Variants in HAS2 observed in about 807,000 individuals in gnomAD.
The protein encoded by HAS2 is HA synthase 2.
Under a neutral mutation model 51.6 loss-of-function variants are expected in HAS2, and 16 were observed. That is an observed-to-expected ratio of 0.31 (90% confidence interval 0.21 to 0.47). HAS2 has a LOEUF of 0.47. Among genes scored for constraint, HAS2 ranks in the 20% least tolerant of loss-of-function variants. The pLI is 1.00. For missense variants in HAS2, 361 were observed against 662.6 expected (o/e 0.54, Z 5.00); for synonymous variants, 228 against 235.5 (o/e 0.97, Z 0.29).
Position 121,627,230 on chromosome 8 carries a change from A to G in HAS2, c.627+1484T>C, listed in dbSNP as rs537698998. Among the ~76,000 whole-genome samples, 144 of 152,332 alleles carry G rather than the reference A, an allele frequency of 9.5e-4. 1 individual carries two copies. The Middle Eastern group carries it at 0.01, about 11-fold the overall frequency. On this transcript the variant is annotated intron_variant, in intron 2 of 3. Transcript: ENST00000303924. ...CAGAACTTCATTTTTCATATCCTCTATAAGTTCTCAGTCATCCTTTCCCTT... is the reference window on the plus strand; with the variant it reads ...CAGAACTTCATTTTTCATATCCTCTGTAAGTTCTCAGTCATCCTTTCCCTT...
At chr8:121,631,577 G>A (rs1812929605) in intron 1 of HAS2, among the ~76,000 whole-genome samples, 1 of 152,228 alleles carries the variant, frequency 6.6e-6, no homozygotes, top group Non-Finnish European at 1.5e-5. Flanking sequence ...TAATGCAGGA[G>A]TCTGATAAAT....
intron 3 of HAS2, among the ~76,000 whole-genome samples, chr8:121,616,643 T>C (rs56902601): frequency 0.11 from 17,412 of 151,872 alleles, 2,272 homozygotes; most frequent in East Asian, 0.67. Context: ...ACCATATTGA[T>C]CAGGCTGGTC....
At chr8:121,639,061 G>A (rs1301969814) in intron 1 of HAS2, among the ~76,000 whole-genome samples, 3 of 152,082 alleles carry the variant, frequency 2.0e-5, no homozygotes, top group Admixed American at 6.6e-5. Flanking sequence ...TGCCTTAACC[G>A]CAGTGAGAAA....
intron 1 of HAS2, among the ~76,000 whole-genome samples, chr8:121,632,761 CATT>C (rs78876611): frequency 0.19 from 28,996 of 149,826 alleles, 2,832 homozygotes; most frequent in Middle Eastern, 0.31. Flanking sequence ...TCATCATCAT[CATT>C]ATTATAATGG....
chr8:121,641,224 C>A lies in HAS2; in HGVS notation c.-372G>T, dbSNP rs1255577519. ...CCCCGATAACAGAAAATCTCTTTTT[C>A]GTCTTAAAAAAAAAAAAAAAAAAAA... On this transcript the variant is annotated 5_prime_UTR_variant, in exon 1 of 4. Coordinates refer to ENST00000303924, the MANE Select transcript of HAS2 (RefSeq NM_005328.3). 1.2e-4 allele frequency: 1 copy of A among 8,388 alleles called. No homozygotes were observed. Among genetic ancestry groups the A allele is most frequent in the Admixed American group, 2.0e-3 (1 of 504 alleles). 0.5% of individuals were successfully genotyped at this position (8,388 alleles called of 1,614,324 possible).
rs1812897034 is a variant in HAS2, at chr8:121,629,203, A to G, written c.138T>C (p.Phe46=). ...FIQTDNYYFS[F]GLYGAFLASH... ...ATGCCAAAAAGGCACCATACAGTCC[A>G]AAAGAGAAATAGTAATTATCCGTTT... Residue 46 remains phenylalanine (F), a synonymous_variant, in exon 2 of 4, where the codon TTT becomes TTC. Transcript: ENST00000303924. The G allele has an allele frequency of 2.5e-6, 4 of 1,614,150 alleles. No individual in the cohort carries two copies. Among genetic ancestry groups the G allele is most frequent in the East Asian group, 4.5e-5 (2 of 44,876 alleles).
chr8:121,629,367 G>A, intron 1 of HAS2, 27 bp from the exon 2 acceptor site: 1 of 1,568,600 alleles, frequency 6.4e-7, no homozygotes, highest in Non-Finnish European at 8.7e-7. Context: ...TGATACTCTT[G>A]GTTAACCATG....
At chr8:121,631,904 C>A (rs1370299575) in intron 1 of HAS2, among the ~76,000 whole-genome samples, 1 of 152,198 alleles carries the variant, frequency 6.6e-6, no homozygotes, top group Non-Finnish European at 1.5e-5. Flanking sequence ...AACTGCCTGC[C>A]ATTCTTTTCC....
intron 1 of HAS2, among the ~76,000 whole-genome samples, chr8:121,637,173 A>G (rs1203198999): frequency 6.6e-6 from 1 of 152,190 alleles, no homozygotes; most frequent in Non-Finnish European, 1.5e-5. Context: ...ATATTTTAAA[A>G]TTTCATTAAA....
Position 121,629,005 on chromosome 8 carries a change from A to G in HAS2, c.336T>C (p.Pro112=), listed in dbSNP as rs1352924352. 3.7e-6 allele frequency: 6 copies of G among 1,614,140 alleles called. No individual in the cohort carries two copies. Among genetic ancestry groups the G allele is most frequent in the Non-Finnish European group, 4.2e-6 (5 of 1,179,978 alleles). The change falls in exon 2 of 4, where the codon CCT becomes CCC. Residue 112 remains proline (P), a synonymous_variant. Coordinates refer to ENST00000303924, the MANE Select transcript of HAS2 (RefSeq NM_005328.3). The part of the protein sequence containing the change: ...CLQSVKRLTY[P]GIKVVMVIDG... ...CTATGACCATGACAACTTTAATCCCAGGGTAGGTTAGCCTTTTCACAGATT... is the reference window on the plus strand; with the variant it reads ...CTATGACCATGACAACTTTAATCCCGGGGTAGGTTAGCCTTTTCACAGATT...
At chr8:121,619,776 C>G (rs1015345284) in intron 2 of HAS2, among the ~76,000 whole-genome samples, 2 of 152,158 alleles carry the variant, frequency 1.3e-5, no homozygotes, top group African/African-American at 4.8e-5. Context: ...TCTAACTCAT[C>G]TTTAGCCTCC....
intron 1 of HAS2, among the ~76,000 whole-genome samples, chr8:121,635,782 T>C (rs1245363396): frequency 6.6e-6 from 1 of 152,248 alleles, no homozygotes; most frequent in East Asian, 1.9e-4. Flanking sequence ...GTTTATCTAA[T>C]GAAGGCGTGA....
At chr8:121,634,922 T>C (rs1812989574) in intron 1 of HAS2, among the ~76,000 whole-genome samples, 1 of 152,114 alleles carries the variant, frequency 6.6e-6, no homozygotes, top group Non-Finnish European at 1.5e-5. Context: ...TGAGCTATCT[T>C]ATGAGCTCAG....
intron 2 of HAS2, among the ~76,000 whole-genome samples, chr8:121,618,913 G>A (rs1244861061): frequency 1.3e-5 from 2 of 149,790 alleles, no homozygotes; most frequent in Admixed American, 6.7e-5. Flanking sequence ...GGGCAACAAA[G>A]TGAGACCCTG....
chr8:121,621,045 T>A (rs10095464), intron 2 of HAS2, among the ~76,000 whole-genome samples: 1 of 152,124 alleles, frequency 6.6e-6, no homozygotes, highest in Non-Finnish European at 1.5e-5. Flanking sequence ...AACAGCAAAA[T>A]TGACTAGTTA....
At chr8:121,626,182 G>A (rs900913493) in intron 2 of HAS2, among the ~76,000 whole-genome samples, 2 of 152,172 alleles carry the variant, frequency 1.3e-5, no homozygotes, top group Non-Finnish European at 2.9e-5. Flanking sequence ...TAAGAAGAGA[G>A]TAAAGATGAT....
chr8:121,615,339 CTTAT>C (rs1311637899), intron 3 of HAS2, among the ~76,000 whole-genome samples: 3 of 151,932 alleles, frequency 2.0e-5, no homozygotes, highest in African/African-American at 7.2e-5. Context: ...GAGATATTTA[CTTAT>C]TTATTTATTT....
At position 121,641,063 on chromosome 8, in the gene HAS2, C is replaced by T. The variant is rs1468625047; in HGVS notation, c.-211G>A. On this transcript the variant is annotated 5_prime_UTR_variant, in exon 1 of 4. The change creates a new upstream start codon in the 5' untranslated region. Transcript: ENST00000303924. Reference sequence around the variant, plus strand: ...TTCCCCACTTTAAAAAATAATTTCACTAATATTCTCTTTATGTTTCCGTTG... The same window carrying T: ...TTCCCCACTTTAAAAAATAATTTCATTAATATTCTCTTTATGTTTCCGTTG... The T allele has an allele frequency of 3.3e-5, 5 of 151,068 alleles. No individual in the cohort carries two copies. Among genetic ancestry groups the T allele is most frequent in the African/African-American group, 1.2e-4 (5 of 40,912 alleles). 9.4% of individuals were successfully genotyped at this position (151,068 alleles called of 1,614,324 possible).
At chr8:121,625,159 T>A (rs1812827794) in intron 2 of HAS2, among the ~76,000 whole-genome samples, 1 of 150,934 alleles carries the variant, frequency 6.6e-6, no homozygotes, top group Non-Finnish European at 1.5e-5. Context: ...ATAACACTAC[T>A]TAAAAAATAT....
Sources: allele counts gnomAD v4.1 joint callset (sites outside exome capture counted in the v4.1 genomes callset), GRCh38; gene constraint gnomAD v4.1.1; transcripts MANE v1.5; gene names NCBI Gene and HGNC (gene_info 2026-07-23, HGNC 2026-07-21).